The following CATSPERT variants were observed in gnomAD, a reference collection of about 807,000 sequenced individuals.
CATSPERT encodes cation channel sperm-associated targeting subunit tau.
At chr2:201,616,660 C>T in the CATSPERT span, among the ~76,000 whole-genome samples, 2 of 152,160 alleles carry the variant, frequency 1.3e-5, no homozygotes, top group African/African-American at 4.8e-5. Flanking sequence ...GACAGGGATG[C>T]CCTCTCTCAC....
chr2:201,570,692 C>T, the CATSPERT span, among the ~76,000 whole-genome samples: 2 of 152,112 alleles, frequency 1.3e-5, no homozygotes, highest in South Asian at 2.1e-4. Flanking sequence ...CCTGCCAACT[C>T]CTCTAGCTCA....
chr2:201,581,336 G>A, the CATSPERT span, among the ~76,000 whole-genome samples: 1 of 150,182 alleles, frequency 6.7e-6, no homozygotes, highest in Non-Finnish European at 1.5e-5. Context: ...AGCCAGGGAG[G>A]CAAATGTTGC....
chr2:201,494,694 TCTGA>T, the CATSPERT span: 46 of 1,534,228 alleles, frequency 3.0e-5, no homozygotes, highest in East Asian at 1.1e-3. Flanking sequence ...CTTTTCTTTT[TCTGA>T]CTGACATTTT....
the CATSPERT span, among the ~76,000 whole-genome samples, chr2:201,613,750 C>T: frequency 2.6e-5 from 4 of 152,156 alleles, no homozygotes; most frequent in Non-Finnish European, 5.9e-5. Flanking sequence ...TCAGTAATAA[C>T]AAACTTCTCC....
At chr2:201,508,907 C>A in the CATSPERT span, among the ~76,000 whole-genome samples, 2 of 152,138 alleles carry the variant, frequency 1.3e-5, no homozygotes, top group South Asian at 4.2e-4. Context: ...GATGTTTCTA[C>A]CTCTTGGGTA....
chr2:201,591,611 C>T, the CATSPERT span, among the ~76,000 whole-genome samples: 595 of 152,212 alleles, frequency 3.9e-3, 1 homozygote, highest in African/African-American at 0.013. Flanking sequence ...TTCTTCCTAC[C>T]CATGAGCATG....
At chr2:201,557,579 T>C in the CATSPERT span, 2 of 152,210 alleles carry the variant, frequency 1.3e-5, no homozygotes, top group East Asian at 1.9e-4. Context: ...CCATCAACAA[T>C]AGAAGGCCCA....
At chr2:201,576,691 G>C in the CATSPERT span, among the ~76,000 whole-genome samples, 1 of 152,200 alleles carries the variant, frequency 6.6e-6, no homozygotes, top group African/African-American at 2.4e-5. Context: ...GTGAACGGGA[G>C]GTACTTAAGG....
At chr2:201,570,395 C>T in the CATSPERT span, among the ~76,000 whole-genome samples, 5 of 152,192 alleles carry the variant, frequency 3.3e-5, no homozygotes, top group Admixed American at 2.6e-4. Flanking sequence ...AATTTGCTCA[C>T]ATTTGAGAAG....
the CATSPERT span, among the ~76,000 whole-genome samples, chr2:201,510,478 C>T: frequency 6.6e-6 from 1 of 152,142 alleles, no homozygotes; most frequent in Admixed American, 6.6e-5. Flanking sequence ...AGAATAAGAA[C>T]ACCCTGTCTT....
chr2:201,533,027 G>A, the CATSPERT span, among the ~76,000 whole-genome samples: 1 of 152,128 alleles, frequency 6.6e-6, no homozygotes, highest in Non-Finnish European at 1.5e-5. Flanking sequence ...GCCAGACAAG[G>A]GCACTTCTAA....
chr2:201,581,599 T>C, the CATSPERT span, among the ~76,000 whole-genome samples: 5 of 91,576 alleles, frequency 5.5e-5, 1 homozygote, highest in African/African-American at 4.3e-5. Flanking sequence ...TATATACACA[T>C]ACATATTCTG....
the CATSPERT span, among the ~76,000 whole-genome samples, chr2:201,614,502 C>A: frequency 6.6e-6 from 1 of 152,146 alleles, no homozygotes; most frequent in African/African-American, 2.4e-5. Context: ...TACAGACAAA[C>A]AAATGCTGAG....
the CATSPERT span, among the ~76,000 whole-genome samples, chr2:201,548,713 A>G: frequency 6.6e-6 from 1 of 152,168 alleles, no homozygotes; most frequent in Non-Finnish European, 1.5e-5. Context: ...CCTTGACAAT[A>G]AAACCTGACA....
At chr2:201,520,315 G>T in the CATSPERT span, among the ~76,000 whole-genome samples, 1 of 152,264 alleles carries the variant, frequency 6.6e-6, no homozygotes, top group East Asian at 1.9e-4. Flanking sequence ...ATAGACCAAA[G>T]GGACTTAACA....
the CATSPERT span, among the ~76,000 whole-genome samples, chr2:201,586,769 CTG>C: frequency 2.0e-5 from 3 of 152,030 alleles, no homozygotes; most frequent in Non-Finnish European, 4.4e-5. Context: ...ATTGTGCCTA[CTG>C]TGTTACTTTT....
chr2:201,616,392 G>C, the CATSPERT span, among the ~76,000 whole-genome samples: 28 of 152,242 alleles, frequency 1.8e-4, no homozygotes, highest in Non-Finnish European at 3.7e-4. Flanking sequence ...GGGATGCAAG[G>C]CTGGTCCAAC....
chr2:201,518,277 T>C, the CATSPERT span, among the ~76,000 whole-genome samples: 70,911 of 152,050 alleles, frequency 0.47, 16,833 homozygotes, highest in South Asian at 0.54. Context: ...GGACTGCCCA[T>C]TATGAATCTG....
the CATSPERT span, among the ~76,000 whole-genome samples, chr2:201,615,880 C>T: frequency 1.3e-5 from 2 of 152,034 alleles, no homozygotes; most frequent in Admixed American, 1.3e-4. Flanking sequence ...GGGATATCAC[C>T]ACCGATCCCA....
Sources: allele counts gnomAD v4.1 joint callset (sites outside exome capture counted in the v4.1 genomes callset), GRCh38; gene constraint gnomAD v4.1.1; transcripts MANE v1.5; gene names NCBI Gene and HGNC (gene_info 2026-07-23, HGNC 2026-07-21).